Variants in TANC1 observed in about 807,000 individuals in gnomAD.
The protein encoded by TANC1 is protein TANC1.
Under a neutral mutation model 149.7 loss-of-function variants are expected in TANC1, and 77 were observed. The ratio of observed to expected loss-of-function variants is 0.51; its 90% confidence interval spans 0.43 to 0.62. TANC1 has a LOEUF of 0.62. Ranked by LOEUF, TANC1 falls within the 20% of genes least tolerant of loss-of-function variation. The pLI is 0.00. For synonymous variants in TANC1, 854 were observed against 925.0 expected, an observed-to-expected ratio of 0.92 and a Z score of 1.39; for missense variants, 1,985 against 2,321.8, an observed-to-expected ratio of 0.85 and a Z score of 2.98.
chr2:159,153,026 C>A (rs544406078), intron 7 of TANC1, among the ~76,000 whole-genome samples: 1 of 152,140 alleles, frequency 6.6e-6, no homozygotes, highest in African/African-American at 2.4e-5. Flanking sequence ...TCAATATTCC[C>A]CTTCAGTGTA....
chr2:158,969,131 C>G (rs1475272093), intron 1 of TANC1, among the ~76,000 whole-genome samples: 1 of 152,176 alleles, frequency 6.6e-6, no homozygotes, highest in Non-Finnish European at 1.5e-5. Context: ...CTGGGACCAC[C>G]CCCGCCCGGC....
chr2:159,082,992 C>G (rs2149800642), intron 3 of TANC1, among the ~76,000 whole-genome samples: 1 of 152,268 alleles, frequency 6.6e-6, no homozygotes, highest in East Asian at 1.9e-4. Flanking sequence ...GTCTCCCAGG[C>G]TGGAGTACAT....
intron 1 of TANC1, among the ~76,000 whole-genome samples, chr2:158,989,609 C>CAGA (rs1223350503): frequency 1.1e-5 from 1 of 87,586 alleles, no homozygotes; most frequent in Non-Finnish European, 2.4e-5. Flanking sequence ...GACTCAGTCT[C>CAGA]AAAAAAAAAA....
At chr2:159,126,705 A>G (rs971289777) in intron 4 of TANC1, among the ~76,000 whole-genome samples, 1 of 152,224 alleles carries the variant, frequency 6.6e-6, no homozygotes, top group African/African-American at 2.4e-5. Context: ...AAGACAATTC[A>G]TTGCTTTTAG....
Position 159,185,794 on chromosome 2 carries a change from C to T in TANC1, c.2514C>T (p.Asn838=), listed in dbSNP as rs374100480. 181 of 1,612,738 alleles carry T rather than the reference C, an allele frequency of 1.1e-4. 2 individuals are homozygous for T. In the Middle Eastern group the frequency reaches 2.0e-3, roughly 18 times the overall value. ...ENTAFLCEPR[N]GHALLAFMFS... ...GCCTTTGTATTCCTTCCCCTAGGAA[C>T]GGGCACGCGCTCTTGGCATTCATGT... The change falls in exon 15 of 27, where the codon AAC becomes AAT. Residue 838 remains asparagine, a synonymous_variant. Coordinates refer to ENST00000263635, the MANE Select transcript of TANC1 (RefSeq NM_033394.3).
chr2:159,125,919 G>A (rs1053950815), intron 4 of TANC1, among the ~76,000 whole-genome samples: 1 of 152,148 alleles, frequency 6.6e-6, no homozygotes, highest in African/African-American at 2.4e-5. Context: ...GCTGTCAGCT[G>A]AGGATTCTTC....
At chr2:159,151,283 C>T (rs2052778705) in intron 7 of TANC1, among the ~76,000 whole-genome samples, 1 of 152,122 alleles carries the variant, frequency 6.6e-6, no homozygotes, top group Non-Finnish European at 1.5e-5. Context: ...TTTTATATGC[C>T]ATCCCAGACA....
At chr2:159,026,260 T>C (rs1365486525) in intron 2 of TANC1, among the ~76,000 whole-genome samples, 1 of 152,228 alleles carries the variant, frequency 6.6e-6, no homozygotes, top group African/African-American at 2.4e-5. Context: ...TTCTAGTGTT[T>C]AGTTCATGTC....
intron 19 of TANC1, among the ~76,000 whole-genome samples, chr2:159,202,123 G>A (rs1263806932): frequency 6.6e-6 from 1 of 152,198 alleles, no homozygotes; most frequent in Non-Finnish European, 1.5e-5. Context: ...GGTTAAGAAT[G>A]ACGGCCACCA....
At chr2:159,027,987 G>A (rs2039482989) in intron 2 of TANC1, among the ~76,000 whole-genome samples, 1 of 152,040 alleles carries the variant, frequency 6.6e-6, no homozygotes, top group South Asian at 2.1e-4. Context: ...ACTATCATGG[G>A]AGCCCCATCC....
intron 3 of TANC1, among the ~76,000 whole-genome samples, chr2:159,078,481 C>T (rs1253126317): frequency 6.6e-6 from 1 of 152,142 alleles, no homozygotes; most frequent in Non-Finnish European, 1.5e-5. Flanking sequence ...GATTTTGTAT[C>T]AGTTCTGTAA....
At chr2:158,974,077 T>C (rs2033294697) in intron 1 of TANC1, among the ~76,000 whole-genome samples, 1 of 152,238 alleles carries the variant, frequency 6.6e-6, no homozygotes. Flanking sequence ...TTTGGTTCTT[T>C]CTTCTCCTGT....
chr2:159,043,419 A>G (rs1467183707), intron 2 of TANC1, among the ~76,000 whole-genome samples: 1 of 152,162 alleles, frequency 6.6e-6, no homozygotes, highest in Admixed American at 6.5e-5. Context: ...TAGGGAATCC[A>G]TGCTTTGACA....
chr2:159,053,102 A>G (rs2041587773), intron 2 of TANC1, among the ~76,000 whole-genome samples: 1 of 151,380 alleles, frequency 6.6e-6, no homozygotes. Context: ...CTCATTTGAG[A>G]CTAGATTTGT....
intron 3 of TANC1, among the ~76,000 whole-genome samples, chr2:159,084,514 G>A (rs2044635083): frequency 6.6e-6 from 1 of 152,146 alleles, no homozygotes; most frequent in Non-Finnish European, 1.5e-5. Flanking sequence ...AAGATAAATG[G>A]TAGCAGCTCC....
chr2:158,999,985 A>G (rs2149320661), intron 1 of TANC1, among the ~76,000 whole-genome samples: 1 of 152,284 alleles, frequency 6.6e-6, no homozygotes, highest in Admixed American at 6.5e-5. Context: ...TGTGTTGCCC[A>G]GGCTGGTCTC....
At chr2:159,066,031 C>A in intron 3 of TANC1, 60 bp downstream of exon 3, 1 of 1,330,332 alleles carries the variant, frequency 7.5e-7, no homozygotes, top group Non-Finnish European at 1.1e-6. Flanking sequence ...TGCTCCTCAC[C>A]CCAGGCCGGA....
rs144269513 is a variant in TANC1 at position 159,074,897 on chromosome 2, T to A, written c.61+8926T>A. Among the ~76,000 whole-genome samples, 316 of 152,124 alleles carry A rather than the reference T, an allele frequency of 2.1e-3. 2 individuals carry two copies. The highest frequency in any genetic ancestry group is 7.1e-3 in the African/African-American group (293 of 41,502). On this transcript the variant is annotated intron_variant, in intron 3 of 26. Coordinates refer to ENST00000263635, the MANE Select transcript of TANC1 (RefSeq NM_033394.3). ...ACATGGTAGAGACAGGGATAGCAAG[T>A]TTTCTGGTATCTCTTCTTATAAGAG...
Position 159,185,888 on chromosome 2 carries a change from C to T in TANC1, c.2608C>T (p.His870Tyr). The T allele has an allele frequency of 6.2e-7, 1 of 1,613,102 alleles. No homozygotes were observed. Among genetic ancestry groups the T allele is most frequent in the Non-Finnish European group, 8.5e-7 (1 of 1,179,110 alleles). ...GCTTGGCCACCACATCCTGAAGGCG[C>T]ACATTTTCAAGGTGAGATGCACACC... ...MELGHHILKA[H>Y]IFKGLSKKTG... is the part of the protein sequence containing the mutation. The change falls in exon 15 of 27, where the codon CAC becomes TAC. Residue 870 changes from histidine to tyrosine, a missense_variant. Around this residue, in one of 3 missense-constraint regions of TANC1, gnomAD observed 508 missense variants for 714.2 expected, o/e 0.71. Transcript: ENST00000263635.
Sources: allele counts gnomAD v4.1 joint callset (sites outside exome capture counted in the v4.1 genomes callset), GRCh38; gene constraint gnomAD v4.1.1; regional missense constraint gnomAD v4.1.1; transcripts MANE v1.5; gene names NCBI Gene and HGNC (gene_info 2026-07-23, HGNC 2026-07-21).